The following NCALD variants were observed in gnomAD, a reference collection of about 807,000 sequenced individuals.
NCALD encodes the protein neurocalcin-delta.
NCALD carries 10 observed loss-of-function variants against 18.6 expected under a neutral mutation model. The ratio of observed to expected loss-of-function variants is 0.54; its 90% CI spans 0.33 to 0.91. The LOEUF (loss-of-function observed/expected upper bound fraction) is 0.91. NCALD is among the 40% of genes least tolerant of loss of function. NCALD has a pLI of 0.03. For synonymous variants in NCALD, 88 were observed against 87.4 expected (o/e 1.01, Z -0.04); for missense variants, 184 against 247.6 (o/e 0.74, Z 1.72).
intron 2 of NCALD, among the ~76,000 whole-genome samples, chr8:101,697,039 G>T (rs900923240): frequency 6.6e-6 from 1 of 151,148 alleles, no homozygotes; most frequent in African/African-American, 2.4e-5. Context: ...TAACAAAATA[G>T]ACCACTAGCT....
At chr8:101,855,216 C>T (rs1284957584) in intron 4 of NCALD, among the ~76,000 whole-genome samples, 1 of 152,148 alleles carries the variant, frequency 6.6e-6, no homozygotes, top group Non-Finnish European at 1.5e-5. Flanking sequence ...CTCTTCTAGA[C>T]ACTTAGGAGG....
In NCALD at chr8:101,837,948, C is replaced by T. The variant is rs148970364; in HGVS notation, c.-20+49193G>A. 3.4e-3 allele frequency among the ~76,000 whole-genome samples: 511 copies of T among 152,266 alleles called. 4 individuals are homozygous for T. Among genetic ancestry groups the T allele is most frequent in the African/African-American group, 0.011 (449 of 41,540 alleles). On this transcript the variant is annotated intron_variant, in intron 4 of 6. Coordinates refer to the NCALD transcript ENST00000311028. ...TGTCCCTCCTCTTTAAACATGAAGA[C>T]CCTGAGCAGGAATCATGTCTATCTT...
At position 101,689,050 on chromosome 8, in the gene NCALD, T is replaced by C. The variant is rs1484568643; in HGVS notation, c.*259A>G. The C allele has an allele frequency of 1.7e-5, 12 of 700,736 alleles. No individual in the cohort carries two copies. In the Middle Eastern group the frequency reaches 6.9e-4, roughly 40 times the overall value. The allele number at this position is 700,736 out of a possible 1,614,324, so 43.4% of individuals were successfully genotyped here. On this transcript the variant is annotated 3_prime_UTR_variant, in exon 4 of 4. Transcript: ENST00000220931. This position sits in a 1 kb window ranked among gnomAD's most constrained non-coding sequence, Gnocchi z 4.4. ...GAGACATTAGAATAAAAAAAAATAATAGTAACGATTAAAAATCATCAAACA... is the reference window on the plus strand; with the variant it reads ...GAGACATTAGAATAAAAAAAAATAACAGTAACGATTAAAAATCATCAAACA...
intron 2 of NCALD, among the ~76,000 whole-genome samples, chr8:101,965,429 C>T (rs1819986346): frequency 6.6e-6 from 1 of 152,170 alleles, no homozygotes; most frequent in African/African-American, 2.4e-5. Flanking sequence ...GAATACTATG[C>T]AGCCATAAAA....
intron 1 of NCALD, among the ~76,000 whole-genome samples, chr8:102,118,315 G>C (rs1024037441): frequency 2.0e-5 from 3 of 152,238 alleles, no homozygotes; most frequent in African/African-American, 7.2e-5. Flanking sequence ...ACCTCATGCT[G>C]TCAGGGCTGG....
intron 1 of NCALD, among the ~76,000 whole-genome samples, chr8:102,093,802 G>A (rs1210701627): frequency 4.6e-5 from 7 of 152,130 alleles, no homozygotes; most frequent in African/African-American, 1.7e-4. Flanking sequence ...ACACCCTTGT[G>A]CTTTTGAGCC....
chr8:101,823,413 T>C (rs180685263), intron 4 of NCALD, among the ~76,000 whole-genome samples: 16 of 152,196 alleles, frequency 1.1e-4, no homozygotes, highest in Non-Finnish European at 8.8e-5. Context: ...CAAGTCTAAG[T>C]TTCTCTTTAT....
chr8:101,779,874 G>A (rs1386191308), intron 1 of NCALD: 4 of 151,940 alleles, frequency 2.6e-5, no homozygotes, highest in Non-Finnish European at 5.9e-5. Context: ...CTTAAAGTTT[G>A]ATCTTTAATT....
intron 1 of NCALD, among the ~76,000 whole-genome samples, chr8:102,032,459 G>A (rs1199444059): frequency 6.6e-6 from 1 of 151,484 alleles, no homozygotes; most frequent in Non-Finnish European, 1.5e-5. Context: ...ATAGCGTAGA[G>A]AGAAAATCCT....
intron 1 of NCALD, among the ~76,000 whole-genome samples, chr8:101,736,884 T>C (rs1373079743): frequency 3.3e-5 from 5 of 152,148 alleles, no homozygotes; most frequent in East Asian, 1.9e-4. Flanking sequence ...TCAGAACAAA[T>C]TGGATGCCAC....
At chr8:101,992,194 C>T (rs1240614031) in intron 2 of NCALD, among the ~76,000 whole-genome samples, 1 of 152,200 alleles carries the variant, frequency 6.6e-6, no homozygotes, top group East Asian at 1.9e-4. Flanking sequence ...GCTGGTACTA[C>T]TCAAATGTCC....
intron 1 of NCALD, among the ~76,000 whole-genome samples, chr8:101,740,175 A>G (rs1006853904): frequency 6.6e-6 from 1 of 152,240 alleles, no homozygotes; most frequent in Non-Finnish European, 1.5e-5. Context: ...CACTGCTTTT[A>G]GAATCATGTA....
intron 2 of NCALD, among the ~76,000 whole-genome samples, chr8:101,699,064 TAAAC>T (rs1815135303): frequency 1.0e-5 from 1 of 98,488 alleles, no homozygotes; most frequent in Admixed American, 1.2e-4. Flanking sequence ...ACAAGGAACT[TAAAC>T]AATTTTACAG....
At chr8:102,033,346 G>T (rs1025333066) in intron 1 of NCALD, among the ~76,000 whole-genome samples, 4 of 152,166 alleles carry the variant, frequency 2.6e-5, no homozygotes, top group African/African-American at 9.6e-5. Flanking sequence ...CTTACAGGAT[G>T]TAGTACATGC....
intron 1 of NCALD, among the ~76,000 whole-genome samples, chr8:102,060,719 G>T (rs17414892): frequency 1.3e-5 from 2 of 151,940 alleles, no homozygotes; most frequent in Non-Finnish European, 2.9e-5. Flanking sequence ...TGACAAGATC[G>T]CATTACAATC....
intron 2 of NCALD, among the ~76,000 whole-genome samples, chr8:101,714,045 G>A (rs1815944206): frequency 6.6e-6 from 1 of 152,156 alleles, no homozygotes; most frequent in Non-Finnish European, 1.5e-5. Context: ...ACACCGAATG[G>A]GCAAAAGCTG....
At chr8:102,004,599 T>C (rs895034056) in intron 2 of NCALD, among the ~76,000 whole-genome samples, 1 of 152,148 alleles carries the variant, frequency 6.6e-6, no homozygotes, top group Non-Finnish European at 1.5e-5. Context: ...AGAACAAAGC[T>C]GGAGGTGTCA....
chr8:102,106,073 A>ATT (rs542211380), intron 1 of NCALD, among the ~76,000 whole-genome samples: 4 of 143,850 alleles, frequency 2.8e-5, no homozygotes, highest in Non-Finnish European at 6.2e-5. Context: ...TAGAACAACA[A>ATT]TTTTTTTTTT....
intron 3 of NCALD, among the ~76,000 whole-genome samples, chr8:101,888,065 G>A (rs1157279896): frequency 2.0e-5 from 3 of 152,146 alleles, no homozygotes; most frequent in Non-Finnish European, 4.4e-5. Context: ...GTCATTCTGA[G>A]GGCCCATTGC....
Sources: allele counts gnomAD v4.1 joint callset (sites outside exome capture counted in the v4.1 genomes callset), GRCh38; gene constraint gnomAD v4.1.1; non-coding constraint Gnocchi (gnomAD v3.1); transcripts MANE v1.5; gene names NCBI Gene and HGNC (gene_info 2026-07-23, HGNC 2026-07-21).